Variants in NTM observed in about 807,000 individuals in gnomAD.
NTM encodes neurotrimin.
A neutral mutation model predicts 42.1 loss-of-function variants in NTM; 13 were observed. The observed-to-expected ratio is 0.31, with a 90% CI of 0.20 to 0.49. The LOEUF is 0.49. Among genes scored for constraint, NTM ranks in the 20% least tolerant of loss-of-function variants. NTM has a pLI of 0.99. For missense variants in NTM, 373 were observed against 452.8 expected (o/e 0.82, Z 1.60); for synonymous variants, 187 against 179.2 (o/e 1.04, Z -0.35).
chr11:132,014,713 C>T (rs1298216492), intron 2 of NTM, among the ~76,000 whole-genome samples: 2 of 147,202 alleles, frequency 1.4e-5, no homozygotes, highest in East Asian at 2.0e-4. Context: ...AGATCATTTA[C>T]CCGCTTTTTA....
At chr11:131,458,665 C>T (rs757933640) in intron 1 of NTM, among the ~76,000 whole-genome samples, 2 of 152,176 alleles carry the variant, frequency 1.3e-5, no homozygotes, top group Admixed American at 6.5e-5. Flanking sequence ...ACAAGGCCTT[C>T]GGCAGAATAA....
intron 3 of NTM, among the ~76,000 whole-genome samples, chr11:132,195,654 A>C (rs1336102305): frequency 1.3e-5 from 2 of 152,238 alleles, no homozygotes; most frequent in South Asian, 4.1e-4. Flanking sequence ...ATAAAGTTTC[A>C]TACCTACAAT....
intron 1 of NTM, among the ~76,000 whole-genome samples, chr11:131,555,195 A>G (rs1459384116): frequency 6.6e-6 from 1 of 152,162 alleles, no homozygotes; most frequent in Middle Eastern, 3.2e-3. Context: ...AATCACTAGT[A>G]TGTGTTCAAT....
intron 2 of NTM, among the ~76,000 whole-genome samples, chr11:131,942,893 C>T (rs1346990818): frequency 6.6e-6 from 1 of 151,328 alleles, no homozygotes; most frequent in African/African-American, 2.4e-5. Context: ...TTGTGGTGGG[C>T]CGAGATCTGG....
intron 1 of NTM, among the ~76,000 whole-genome samples, chr11:131,388,429 T>G (rs964025469): frequency 2.6e-5 from 4 of 151,850 alleles, no homozygotes; most frequent in African/African-American, 7.3e-5. Context: ...TTTGGGTTTT[T>G]TTTTTTTTTT....
chr11:131,550,472 C>G (rs930096777), intron 1 of NTM, among the ~76,000 whole-genome samples: 1 of 152,062 alleles, frequency 6.6e-6, no homozygotes, highest in Non-Finnish European at 1.5e-5. Flanking sequence ...ATAGTGGGTG[C>G]GTTATCATGA....
intron 1 of NTM, among the ~76,000 whole-genome samples, chr11:131,781,055 T>C (rs1452517456): frequency 1.3e-5 from 2 of 151,928 alleles, no homozygotes; most frequent in South Asian, 2.1e-4. Flanking sequence ...ATAATTTTCA[T>C]AAAGGCAAAA....
chr11:131,547,785 C>T (rs1018711816), intron 1 of NTM, among the ~76,000 whole-genome samples: 3 of 152,170 alleles, frequency 2.0e-5, no homozygotes, highest in African/African-American at 7.2e-5. Flanking sequence ...TCCTAGTCCC[C>T]GCAACTCCAA....
At chr11:132,144,415 C>T (rs959111867) in intron 2 of NTM, among the ~76,000 whole-genome samples, 1 of 152,180 alleles carries the variant, frequency 6.6e-6, no homozygotes, top group Non-Finnish European at 1.5e-5. Context: ...CCATAGAAAT[C>T]TGTGGTTGGT....
chr11:131,811,789 C>A (rs1287688157), intron 1 of NTM, among the ~76,000 whole-genome samples: 3 of 152,146 alleles, frequency 2.0e-5, no homozygotes, highest in African/African-American at 7.2e-5. Flanking sequence ...AGGCACATAG[C>A]AAGATTCACT....
At chr11:131,408,461 TG>T (rs1946050613) in intron 1 of NTM, among the ~76,000 whole-genome samples, 1 of 152,242 alleles carries the variant, frequency 6.6e-6, no homozygotes, top group Non-Finnish European at 1.5e-5. Flanking sequence ...ATAACATTTA[TG>T]TGATTGAAAA....
At chr11:131,631,336 T>TA (rs1439877157) in intron 1 of NTM, among the ~76,000 whole-genome samples, 2 of 152,272 alleles carry the variant, frequency 1.3e-5, no homozygotes, top group East Asian at 3.9e-4. Flanking sequence ...GCACCTGAAC[T>TA]AAAAAAAGTT....
chr11:131,467,863 T>C (rs913962083), intron 1 of NTM, among the ~76,000 whole-genome samples: 1 of 152,164 alleles, frequency 6.6e-6, no homozygotes, highest in African/African-American at 2.4e-5. Context: ...GAGTGAGCTG[T>C]TCCCCCAGCC....
At position 131,983,575 on chromosome 11, in the gene NTM, C is replaced by A. The variant is rs560549131; in HGVS notation, c.167+71927C>A. 7.2e-5 allele frequency among the ~76,000 whole-genome samples: 11 copies of A among 152,102 alleles called. 1 individual carries two copies. Among genetic ancestry groups the A allele is most frequent in the African/African-American group, 2.6e-4 (11 of 41,510 alleles). The stretch of plus-strand genomic sequence containing the variant: ...ATTTTTATTAGAGATGGGGTTTCAC[C>A]ACGTTGGCTGGGCTAGTCTTGAACT... On this transcript the variant is annotated intron_variant, in intron 2 of 8. Coordinates refer to ENST00000683400, the MANE Select transcript of NTM (RefSeq NM_001352005.2).
intron 2 of NTM, among the ~76,000 whole-genome samples, chr11:132,098,071 T>A (rs1487694856): frequency 6.6e-6 from 1 of 152,228 alleles, no homozygotes; most frequent in Non-Finnish European, 1.5e-5. Flanking sequence ...AATAAATCTG[T>A]CATGATGTGG....
At chr11:131,805,510 A>G (rs563060242) in intron 1 of NTM, among the ~76,000 whole-genome samples, 3 of 152,342 alleles carry the variant, frequency 2.0e-5, no homozygotes, top group Non-Finnish European at 4.4e-5. Flanking sequence ...ATTTGGATTC[A>G]GATTTTAAAG....
chr11:132,046,209 G>A lies in NTM; in HGVS notation c.168-100073G>A, dbSNP rs557897717. ...TGCGTGAAGTGCTCAGCACAGACTG[G>A]ACCAGTGTGTGCACAGCTAATGCTG... On this transcript the variant is annotated intron_variant, in intron 2 of 8. Transcript: ENST00000683400. 8.3e-4 allele frequency among the ~76,000 whole-genome samples: 127 copies of A among 152,250 alleles called. No homozygotes were observed. In the Middle Eastern group the frequency reaches 0.01, roughly 12 times the overall value.
At chr11:132,153,729 G>A (rs2072514183) in intron 3 of NTM, among the ~76,000 whole-genome samples, 1 of 152,170 alleles carries the variant, frequency 6.6e-6, no homozygotes, top group Non-Finnish European at 1.5e-5. Flanking sequence ...TACTGACCCT[G>A]TTGAATTCCA....
chr11:131,380,774 C>T (rs1326108948), intron 1 of NTM, among the ~76,000 whole-genome samples: 1 of 152,162 alleles, frequency 6.6e-6, no homozygotes, highest in Non-Finnish European at 1.5e-5. Flanking sequence ...ATTTCAGCTG[C>T]CCTGTAACTC....
Sources: gnomAD v4.1 joint callset for allele counts (sites outside exome capture counted in the v4.1 genomes callset) on GRCh38, gnomAD v4.1.1 for gene constraint, MANE v1.5 for transcripts, NCBI Gene and HGNC (gene_info 2026-07-23, HGNC 2026-07-21) for gene names.